Variants in USP48 observed in about 807,000 individuals in gnomAD.
USP48 encodes ubiquitin specific peptidase 48, also known as ubiquitin carboxyl-terminal hydrolase 48.
Under a neutral mutation model 150.7 loss-of-function variants are expected in USP48, and 43 were observed. The ratio of observed to expected loss-of-function variants is 0.29; its 90% CI spans 0.22 to 0.37. USP48 has a LOEUF of 0.37. Among genes scored for constraint, USP48 ranks in the 10% least tolerant of loss-of-function variants. The pLI is 1.00. For synonymous variants in USP48, 396 were observed against 425.9 expected (o/e 0.93, Z 0.86); for missense variants, 813 against 1,249.6 (o/e 0.65, Z 5.27).
intron 14 of USP48, 39 bp downstream of exon 14, chr1:21,720,997 T>C (rs1335055109): frequency 6.3e-7 from 1 of 1,584,638 alleles, no homozygotes; most frequent in Non-Finnish European, 8.6e-7. Context: ...TTTCATGGTA[T>C]AGTTTCACAA....
At chr1:21,733,199 T>G (rs1203023016) in intron 9 of USP48, among the ~76,000 whole-genome samples, 1 of 152,096 alleles carries the variant, frequency 6.6e-6, no homozygotes, top group African/African-American at 2.4e-5. Flanking sequence ...GCGGATCACT[T>G]GAGGTCAGGA....
At chr1:21,707,050 A>T (rs1228549634) in intron 15 of USP48, 182 bp from the exon 16 acceptor site, 7 of 762,380 alleles carry the variant, frequency 9.2e-6, no homozygotes, top group Non-Finnish European at 1.4e-5. Context: ...TTTCATTTTA[A>T]TTCTAAAGGA....
intron 21 of USP48, among the ~76,000 whole-genome samples, chr1:21,701,887 G>C (rs2097658031): frequency 1.3e-5 from 2 of 152,168 alleles, no homozygotes; most frequent in Non-Finnish European, 1.5e-5. Flanking sequence ...CTTGTACAAT[G>C]ATGTTATTTT....
At chr1:21,683,593 C>T (rs925203102) in intron 25 of USP48, among the ~76,000 whole-genome samples, 20 of 152,150 alleles carry the variant, frequency 1.3e-4, no homozygotes, top group Non-Finnish European at 2.6e-4. Flanking sequence ...CACTATGTTG[C>T]CCAGGTTGGT....
intron 1 of USP48, among the ~76,000 whole-genome samples, chr1:21,769,190 A>G (rs2097871689): frequency 6.6e-6 from 1 of 152,164 alleles, no homozygotes; most frequent in Non-Finnish European, 1.5e-5. Context: ...ACTGATGAGA[A>G]TAATCAATTC....
chr1:21,750,891 A>G (rs1185697636), intron 6 of USP48, among the ~76,000 whole-genome samples: 1 of 152,100 alleles, frequency 6.6e-6, no homozygotes, highest in Non-Finnish European at 1.5e-5. Flanking sequence ...TCAAAAAAAA[A>G]AAAAAAATTC....
At chr1:21,721,275 C>A in intron 13 of USP48, 109 bp from the exon 14 acceptor site, 1 of 1,421,450 alleles carries the variant, frequency 7.0e-7, no homozygotes. Flanking sequence ...TCAACATCAG[C>A]TACTGTACAT....
At chr1:21,710,041 ATTG>A (rs1399480302) in intron 15 of USP48, among the ~76,000 whole-genome samples, 1 of 152,186 alleles carries the variant, frequency 6.6e-6, no homozygotes, top group Admixed American at 6.5e-5. Context: ...ATACTTGAAT[ATTG>A]TCTATGACCT....
chr1:21,737,412 T>C (rs944595032), intron 8 of USP48, among the ~76,000 whole-genome samples: 1 of 152,238 alleles, frequency 6.6e-6, no homozygotes, highest in Non-Finnish European at 1.5e-5. Context: ...TCCTATGCTA[T>C]TTTAATTAAA....
intron 4 of USP48, 56 bp downstream of exon 4, chr1:21,752,936 T>C: frequency 2.0e-6 from 3 of 1,522,308 alleles, no homozygotes; most frequent in South Asian, 1.3e-5. Flanking sequence ...ATAAACATGC[T>C]TAGGATGTTT....
At chr1:21,773,749 C>T (rs2097889152) in intron 1 of USP48, among the ~76,000 whole-genome samples, 1 of 152,148 alleles carries the variant, frequency 6.6e-6, no homozygotes, top group South Asian at 2.1e-4. Context: ...TCACTCAACA[C>T]TCAAGATCGA....
At chr1:21,697,253 A>G (rs1409030986) in intron 22 of USP48, among the ~76,000 whole-genome samples, 1 of 152,094 alleles carries the variant, frequency 6.6e-6, no homozygotes, top group Admixed American at 6.6e-5. Context: ...CCCTGAATCT[A>G]CATAGGCAAC....
chr1:21,746,473 A>G (rs1399697042), intron 8 of USP48, among the ~76,000 whole-genome samples: 1 of 148,958 alleles, frequency 6.7e-6, no homozygotes, highest in African/African-American at 2.5e-5. Context: ...TACATACATA[A>G]TATTTTATAA....
At chr1:21,734,338 G>A (rs571251230) in intron 9 of USP48, among the ~76,000 whole-genome samples, 1 of 152,252 alleles carries the variant, frequency 6.6e-6, no homozygotes, top group East Asian at 1.9e-4. Context: ...GTTCGAGGCT[G>A]CAGTGAGCCA....
At chr1:21,733,807 T>C (rs769885991) in intron 9 of USP48, among the ~76,000 whole-genome samples, 3 of 152,140 alleles carry the variant, frequency 2.0e-5, no homozygotes, top group Non-Finnish European at 4.4e-5. Flanking sequence ...TTTTCTTTTT[T>C]TTCAGACAAG....
intron 9 of USP48, among the ~76,000 whole-genome samples, chr1:21,734,473 G>A (rs1443070982): frequency 6.6e-6 from 1 of 152,148 alleles, no homozygotes; most frequent in Non-Finnish European, 1.5e-5. Flanking sequence ...CTACATGAAT[G>A]GAGTTAACAA....
At chr1:21,764,838 TC>T (rs2097858109) in intron 1 of USP48, among the ~76,000 whole-genome samples, 2 of 151,984 alleles carry the variant, frequency 1.3e-5, no homozygotes. Flanking sequence ...AAACCTCTCA[TC>T]GTGGTTGGTT....
At chr1:21,768,854 C>T (rs1383070016) in intron 1 of USP48, among the ~76,000 whole-genome samples, 2 of 151,984 alleles carry the variant, frequency 1.3e-5, no homozygotes, top group African/African-American at 2.4e-5. Context: ...GGCTGTGGTG[C>T]AGCAGTAAAA....
chr1:21,777,741 A>G (rs2097903290), intron 1 of USP48, among the ~76,000 whole-genome samples: 1 of 152,166 alleles, frequency 6.6e-6, no homozygotes. Context: ...TGTACTGAAA[A>G]TGATACCACC....
Sources: allele counts gnomAD v4.1 joint callset (sites outside exome capture counted in the v4.1 genomes callset), GRCh38; gene constraint gnomAD v4.1.1; transcripts MANE v1.5; gene names NCBI Gene and HGNC (gene_info 2026-07-23, HGNC 2026-07-21).